Variants in TMX4 observed in about 807,000 individuals in gnomAD.
TMX4 encodes the protein thioredoxin related transmembrane protein 4.
TMX4 carries 23 observed loss-of-function variants against 33.3 expected under a neutral mutation model. That is an observed-to-expected ratio of 0.69 (90% confidence interval 0.50 to 0.98). The LOEUF (loss-of-function observed/expected upper bound fraction) is 0.98, where lower values mean the gene tolerates loss of function less well. Ranked by LOEUF, TMX4 falls within the 50% of genes least tolerant of loss-of-function variation. TMX4 has a pLI of 0.00. For synonymous variants in TMX4, 164 were observed against 161.5 expected (o/e 1.02, Z -0.12); for missense variants, 399 against 448.9 (o/e 0.89, Z 1.01).
chr20:8,007,760 A>C (rs2050736740), intron 2 of TMX4, among the ~76,000 whole-genome samples: 1 of 152,034 alleles, frequency 6.6e-6, no homozygotes. Context: ...ATTTATCAAG[A>C]CCTCTGGCTA....
At chr20:7,987,261 T>C (rs746241604) in intron 6 of TMX4, 27 bp downstream of exon 6, 3 of 1,426,034 alleles carry the variant, frequency 2.1e-6, no homozygotes, top group South Asian at 1.3e-5. Flanking sequence ...GCCTTAAAGA[T>C]AGAAAAAGTT....
Position 8,019,538 on chromosome 20 carries a change from C to T in TMX4, c.76G>A (p.Gly26Ser), listed in dbSNP as rs1289936480. 24 of 1,477,428 alleles carry T rather than the reference C, an allele frequency of 1.6e-5. No individual in the cohort carries two copies. The highest frequency in any genetic ancestry group is 2.1e-5 in the Non-Finnish European group (23 of 1,114,242). The allele number at this position is 1,477,428 out of a possible 1,614,324, so 91.5% of individuals were successfully genotyped here. ...GGCGGCAGCGCGGCCTCCTCGGGGC[C>T]TGCCGTCGCCGCCACAGCCGCGATC... ...AWIAAVAATA[G>S]PEEAALPPEQ... Residue 26 changes from glycine to serine, a missense_variant, in exon 1 of 8, where the codon GGC becomes AGC. Gly to Ser is a moderately conservative substitution (Grantham distance 56). Coordinates refer to ENST00000246024, the MANE Select transcript of TMX4 (RefSeq NM_021156.4).
intron 2 of TMX4, among the ~76,000 whole-genome samples, chr20:8,009,515 C>T (rs1226455326): frequency 6.6e-6 from 1 of 152,046 alleles, no homozygotes; most frequent in Non-Finnish European, 1.5e-5. Context: ...GTGTCACCAC[C>T]ATATCCAAGT....
chr20:7,996,110 T>C (rs1207869340), intron 4 of TMX4, 39 bp from the exon 5 acceptor site: 5 of 1,546,212 alleles, frequency 3.2e-6, no homozygotes, highest in South Asian at 2.4e-5. Flanking sequence ...TGATCATATA[T>C]ACTATAAAAA....
intron 5 of TMX4, among the ~76,000 whole-genome samples, chr20:7,991,366 A>T (rs1400493750): frequency 2.0e-5 from 3 of 152,258 alleles, no homozygotes; most frequent in Non-Finnish European, 4.4e-5. Context: ...TCGCAAAAGC[A>T]TATACAGGTT....
At chr20:8,001,650 A>C (rs542637974) in intron 2 of TMX4, 109 bp from the exon 3 acceptor site, 12 of 1,064,220 alleles carry the variant, frequency 1.1e-5, no homozygotes, top group Middle Eastern at 2.9e-4. Flanking sequence ...TTGTTGACTC[A>C]CATTTACTAT....
intron 6 of TMX4, among the ~76,000 whole-genome samples, chr20:7,984,363 C>A (rs2050621462): frequency 6.6e-6 from 1 of 152,166 alleles, no homozygotes; most frequent in African/African-American, 2.4e-5. Flanking sequence ...CTAAGCTAAA[C>A]TAAGTTGGAT....
intron 1 of TMX4, chr20:8,013,781 C>T (rs2050762219): frequency 6.6e-6 from 1 of 152,156 alleles, no homozygotes; most frequent in South Asian, 2.1e-4. Flanking sequence ...TAATGAACAA[C>T]TCTTCTTCTG....
chr20:7,984,290 T>C (rs2050621122), intron 6 of TMX4, among the ~76,000 whole-genome samples: 1 of 152,184 alleles, frequency 6.6e-6, no homozygotes, highest in South Asian at 2.1e-4. Flanking sequence ...AGGATGACTT[T>C]GAAGGAGGAG....
At position 7,982,659 on chromosome 20, in the gene TMX4, C is replaced by T. The variant is rs369829751; in HGVS notation, c.680-38G>A. ...GAAAGAGGAATATCCTCTGAATAAACAATGGTAATTCGGTAATCAATTGAG... is the reference window on the plus strand; with the variant it reads ...GAAAGAGGAATATCCTCTGAATAAATAATGGTAATTCGGTAATCAATTGAG... On this transcript the variant is annotated intron_variant, in intron 7 of 7. Coordinates refer to ENST00000246024, the MANE Select transcript of TMX4 (RefSeq NM_021156.4). 1.6e-5 allele frequency: 25 copies of T among 1,564,404 alleles called. No homozygotes were observed. In the Admixed American group the frequency reaches 3.9e-4, roughly 24 times the overall value.
At chr20:7,996,339 G>A (rs1462449170) in intron 4 of TMX4, among the ~76,000 whole-genome samples, 1 of 152,084 alleles carries the variant, frequency 6.6e-6, no homozygotes, top group East Asian at 1.9e-4. Flanking sequence ...AATGTCTCCA[G>A]GGAAAAAACA....
At chr20:8,014,050 T>A (rs1401865752) in intron 1 of TMX4, 1 of 152,230 alleles carries the variant, frequency 6.6e-6, no homozygotes, top group Non-Finnish European at 1.5e-5. Flanking sequence ...TTATTCTTCC[T>A]TTTGGCAAAT....
At position 7,982,612 on chromosome 20, in the gene TMX4, C is replaced by T. The variant is rs376577418; in HGVS notation, c.689G>A (p.Arg230Gln). The change falls in exon 8 of 8, where the codon CGG (arginine) becomes CAG (glutamine). Residue 230 changes from arginine (R) to glutamine (Q), a missense_variant. Arg to Gln is a conservative substitution (Grantham distance 43, BLOSUM62 1). Coordinates refer to ENST00000246024, the MANE Select transcript of TMX4 (RefSeq NM_021156.4). ...AGCTCTATGAGCCTCCTCTGATCTCCGATTCTGCTCTATGGAGGGAAGAAA... is the reference window on the plus strand; with the variant it reads ...AGCTCTATGAGCCTCCTCTGATCTCTGATTCTGCTCTATGGAGGGAAGAAA... ...RHLSERSEQN[R>Q]RSEEAHRAEQ... The T allele has an allele frequency of 2.9e-5, 46 of 1,610,726 alleles. No individual in the cohort carries two copies. Among genetic ancestry groups the T allele is most frequent in the Non-Finnish European group, 3.5e-5 (41 of 1,179,234 alleles).
chr20:8,016,049 A>G (rs189667594), intron 1 of TMX4, among the ~76,000 whole-genome samples: 2 of 152,336 alleles, frequency 1.3e-5, no homozygotes, highest in East Asian at 3.9e-4. Context: ...AACAAAAGTC[A>G]TTTTCTCCAG....
rs1485542915 is a variant in TMX4 at position 7,979,792 on chromosome 20, CA to C, written c.*2458del. ...TCTTATTATATAATTAGATATAGGT[CA>C]AATATCCCTTATCCAAAATGTGTGG... is the stretch of plus-strand genomic sequence containing the variant. On this transcript the variant is annotated 3_prime_UTR_variant, in exon 8 of 8. Transcript: ENST00000246024. The C allele has an allele frequency of 1.3e-5, 2 of 150,238 alleles. No individual in the cohort carries two copies. The highest frequency in any genetic ancestry group is 4.9e-5 in the African/African-American group (2 of 40,828). The allele number at this position is 150,238 out of a possible 1,614,324, so 9.3% of individuals were successfully genotyped here.
At chr20:7,993,306 T>A (rs2050662779) in intron 5 of TMX4, among the ~76,000 whole-genome samples, 1 of 152,244 alleles carries the variant, frequency 6.6e-6, no homozygotes, top group Non-Finnish European at 1.5e-5. Context: ...AGTTGTTTCT[T>A]CTGTTCATTA....
chr20:7,999,181 T>C (rs550278117), intron 4 of TMX4, among the ~76,000 whole-genome samples: 102 of 152,276 alleles, frequency 6.7e-4, no homozygotes, highest in African/African-American at 2.4e-3. Flanking sequence ...TATATGACAA[T>C]CCATTCAAAA....
Position 8,019,701 on chromosome 20 carries a change from A to T in TMX4, c.-88T>A, listed in dbSNP as rs1415516467. 2 of 1,176,528 alleles carry T rather than the reference A, an allele frequency of 1.7e-6. No individual in the cohort carries two copies. Among genetic ancestry groups the T allele is most frequent in the African/African-American group, 1.6e-5 (1 of 62,312 alleles). The allele number at this position is 1,176,528 out of a possible 1,614,324, so 72.9% of individuals were successfully genotyped here. A position where few individuals can be genotyped will look rare whatever the true frequency, so the allele number is the denominator to read the frequency against. ...CCTCGCTCGCCCGCCGGGTTTTTCA[A>T]GGAAGCGGGAGACGCAAGGGCCACC... On this transcript the variant is annotated 5_prime_UTR_variant, in exon 1 of 8. It adds an upstream start codon to the 5' untranslated region. Coordinates refer to ENST00000246024, the MANE Select transcript of TMX4 (RefSeq NM_021156.4).
intron 2 of TMX4, among the ~76,000 whole-genome samples, chr20:8,002,342 C>T (rs1358527799): frequency 1.3e-5 from 2 of 151,914 alleles, no homozygotes; most frequent in Non-Finnish European, 2.9e-5. Context: ...AGTCTAGTAG[C>T]AGAAGGAAAT....
Sources: allele counts gnomAD v4.1 joint callset (sites outside exome capture counted in the v4.1 genomes callset), GRCh38; gene constraint gnomAD v4.1.1; transcripts MANE v1.5; gene names NCBI Gene and HGNC (gene_info 2026-07-23, HGNC 2026-07-21).